ZNF777: variants seen among roughly 807,000 people sequenced by gnomAD.
ZNF777 encodes zinc finger protein 777.
ZNF777 carries 7 observed loss-of-function variants against 72.1 expected under a neutral mutation model. The ratio of observed to expected loss-of-function variants is 0.10; its 90% confidence interval spans 0.06 to 0.18. The LOEUF is 0.18. ZNF777 is among the 10% of genes least tolerant of loss of function. The pLI, the probability that ZNF777 is intolerant of heterozygous loss-of-function variation, is 1.00. For missense variants in ZNF777, 828 were observed against 1,128.6 expected (o/e 0.73, Z 3.82); for synonymous variants, 545 against 483.5 (o/e 1.13, Z -1.67).
In ZNF777 at chr7:149,436,366, A is replaced by G. The variant is rs995134990; in HGVS notation, c.1339+209T>C. Among the ~76,000 whole-genome samples, 3 of 152,076 alleles carry G rather than the reference A, an allele frequency of 2.0e-5. No individual in the cohort carries two copies. Among genetic ancestry groups the G allele is most frequent in the Non-Finnish European group, 4.4e-5 (3 of 68,000 alleles). ...TTGCCTGAACCAGTCTTTAGATGTA[A>G]CCACTTCTTTCCTAGGTTGGAGACG... On this transcript the variant is annotated intron_variant, in intron 5 of 5. Coordinates refer to ENST00000247930, the MANE Select transcript of ZNF777 (RefSeq NM_015694.3). This position sits in a 1 kb window ranked among gnomAD's most constrained non-coding sequence, Gnocchi z 5.0.
intron 4 of ZNF777, among the ~76,000 whole-genome samples, chr7:149,439,906 G>A (rs1305032738): frequency 1.3e-5 from 2 of 152,106 alleles, no homozygotes; most frequent in African/African-American, 4.8e-5. Flanking sequence ...TTTCTAATTA[G>A]TTTACTTATC....
At chr7:149,450,311 A>T (rs1399797752) in intron 4 of ZNF777, among the ~76,000 whole-genome samples, 1 of 152,198 alleles carries the variant, frequency 6.6e-6, no homozygotes, top group African/African-American at 2.4e-5. Flanking sequence ...GCACACCAAC[A>T]GCGGCTGGTG....
chr7:149,452,473 A>G (rs1269248645), intron 3 of ZNF777, among the ~76,000 whole-genome samples: 1 of 151,250 alleles, frequency 6.6e-6, no homozygotes, highest in Non-Finnish European at 1.5e-5. Flanking sequence ...TACTAAAAAT[A>G]CAAAAAAAAA....
intron 4 of ZNF777, among the ~76,000 whole-genome samples, chr7:149,449,078 A>C (rs963377104): frequency 6.6e-6 from 1 of 152,190 alleles, no homozygotes; most frequent in African/African-American, 2.4e-5. Context: ...GCTTGGATGG[A>C]CAGGTTACCA....
At chr7:149,457,676 G>T (rs78365157) in intron 1 of ZNF777, among the ~76,000 whole-genome samples, 1 of 152,136 alleles carries the variant, frequency 6.6e-6, no homozygotes, top group East Asian at 1.9e-4. Flanking sequence ...TTCACAAAAG[G>T]TTTTTGAGAT....
rs140134849 is a variant in ZNF777, at chr7:149,456,168, G to C, written c.-15-131C>G. ...GCAATAATATGTGCCCCTCATATGT[G>C]AATCTCTTCTAGAGACCACAGCACC... On this transcript the variant is annotated intron_variant, in intron 1 of 5. Transcript: ENST00000247930. The C allele has an allele frequency of 3.8e-4, 366 of 952,202 alleles. 6 individuals are homozygous for C. In the East Asian group the frequency reaches 9.4e-3, roughly 24 times the overall value. 59.0% of individuals were successfully genotyped at this position (952,202 alleles called of 1,614,324 possible).
chr7:149,457,682 G>C (rs1275781444), intron 1 of ZNF777, among the ~76,000 whole-genome samples: 2 of 152,168 alleles, frequency 1.3e-5, no homozygotes, highest in African/African-American at 4.8e-5. Flanking sequence ...AAAGGTTTTT[G>C]AGATAGTATC....
In ZNF777 at chr7:149,455,129, T is replaced by A. The variant is rs751034751; in HGVS notation, c.846+48A>T. 24 of 1,567,688 alleles carry A rather than the reference T, an allele frequency of 1.5e-5. No homozygotes were observed. The highest frequency in any genetic ancestry group is 1.8e-5 in the Non-Finnish European group (21 of 1,160,598). ...ATTACACTACATTCCTAAACCACACTCCAATTCAGATCACTTCCTTGGGAA... is the reference window on the plus strand; with the variant it reads ...ATTACACTACATTCCTAAACCACACACCAATTCAGATCACTTCCTTGGGAA... On this transcript the variant is annotated intron_variant, in intron 2 of 5. Coordinates refer to ENST00000247930, the MANE Select transcript of ZNF777 (RefSeq NM_015694.3). This position sits in a 1 kb window ranked among gnomAD's most constrained non-coding sequence, Gnocchi z 4.2.
chr7:149,454,296 T>C (rs2116604755), intron 2 of ZNF777, 59 bp from the exon 3 acceptor site: 1 of 1,605,636 alleles, frequency 6.2e-7, no homozygotes, highest in Non-Finnish European at 8.5e-7. Flanking sequence ...GGCCCACGGC[T>C]GGCCAATCCC....
At position 149,436,559 on chromosome 7, in the gene ZNF777, C is replaced by G; in HGVS notation, c.1339+16G>C. ...TCATGGCAACCCTTCCCCGGCCGTC[C>G]CCGCCCAGCACTCACCCGTGCAGTT... is the stretch of plus-strand genomic sequence containing the variant. On this transcript the variant is annotated intron_variant, in intron 5 of 5. Coordinates refer to ENST00000247930, the MANE Select transcript of ZNF777 (RefSeq NM_015694.3). This position sits in a 1 kb window ranked among gnomAD's most constrained non-coding sequence, Gnocchi z 5.0. 1 of 1,578,104 alleles carries G rather than the reference C, an allele frequency of 6.3e-7. No individual in the cohort carries two copies. The highest frequency in any genetic ancestry group is 8.6e-7 in the Non-Finnish European group (1 of 1,158,648).
At position 149,455,469 on chromosome 7, in the gene ZNF777, C is replaced by A; in HGVS notation, c.554G>T (p.Arg185Leu). The A allele has an allele frequency of 6.2e-7, 1 of 1,614,132 alleles. No homozygotes were observed. The highest frequency in any genetic ancestry group is 1.3e-5 in the African/African-American group (1 of 75,052). ...TTGGACGGCAGCCCACACAGCCAAG[C>A]GGGTGATCTCTGCCGTGGGGAGCGG... The part of the protein sequence containing the change: ...EQPLPTAEIT[R>L]LAVWAAVQAV... The change falls in exon 2 of 6, where the codon CGC (arginine) becomes CTC (leucine). Residue 185 changes from arginine (R) to leucine (L), a missense_variant. Around this residue, in one of 12 missense-constraint regions of ZNF777, gnomAD observed 76 missense variants for 157.3 expected, o/e 0.48. Coordinates refer to ENST00000247930, the MANE Select transcript of ZNF777 (RefSeq NM_015694.3). This position sits in a 1 kb window ranked among gnomAD's most constrained non-coding sequence, Gnocchi z 4.2.
Position 149,431,760 on chromosome 7 carries a change from G to T in ZNF777, c.*16C>A. 2 of 1,479,032 alleles carry T rather than the reference G, an allele frequency of 1.4e-6. No individual in the cohort carries two copies. The highest frequency in any genetic ancestry group is 1.8e-6 in the Non-Finnish European group (2 of 1,127,328). 91.6% of individuals were successfully genotyped at this position (1,479,032 alleles called of 1,614,324 possible). A position where few individuals can be genotyped will look rare whatever the true frequency, so the allele number is the denominator to read the frequency against. ...GGCCCGCGCACCTGGCCGGGCGGCG[G>T]CGGCGGGGCGCGCGCTCACTCGCCC... On this transcript the variant is annotated 3_prime_UTR_variant, in exon 6 of 6. Transcript: ENST00000247930.
chr7:149,442,618 T>TCC, intron 4 of ZNF777, among the ~76,000 whole-genome samples: 1 of 125,972 alleles, frequency 7.9e-6, no homozygotes, highest in South Asian at 2.5e-4. Context: ...AGACTCTGTC[T>TCC]AAAAAAAAAA....
chr7:149,432,723 C>T lies in ZNF777; in HGVS notation c.1549G>A (p.Ala517Thr). The change falls in exon 6 of 6, where the codon GCG becomes ACG. Residue 517 changes from alanine to threonine, a missense_variant. By Grantham distance (58) the Ala-to-Thr change is moderately conservative. Coordinates refer to ENST00000247930, the MANE Select transcript of ZNF777 (RefSeq NM_015694.3). The stretch of plus-strand genomic sequence containing the variant: ...TGCCGCTCACCGTGCACGGAGGGCG[C>T]CAGCCTTTTCACTGCGGGGTTTCCT... ...QLGNPAVKRL[A>T]PSVHGERHLS... is the part of the protein sequence containing the mutation. 3 of 1,612,370 alleles carry T rather than the reference C, an allele frequency of 1.9e-6. No individual in the cohort carries two copies. Among genetic ancestry groups the T allele is most frequent in the Non-Finnish European group, 2.5e-6 (3 of 1,178,966 alleles).
Position 149,456,036 on chromosome 7 carries a change from A to G in ZNF777, c.-14T>C, listed in dbSNP as rs759515516. 4.4e-5 allele frequency: 68 copies of G among 1,547,124 alleles called. No individual in the cohort carries two copies. Among genetic ancestry groups the G allele is most frequent in the Non-Finnish European group, 5.8e-5 (66 of 1,146,636 alleles). ...TTGGTTCTCCATGTCCAGCTGCTGA[A>G]CCTGTGTTCATGGAAGAAAGGAAAA... is the stretch of plus-strand genomic sequence containing the variant. On this transcript the variant is annotated splice_region_variant and 5_prime_UTR_variant, in exon 2 of 6. Coordinates refer to ENST00000247930, the MANE Select transcript of ZNF777 (RefSeq NM_015694.3).
intron 4 of ZNF777, among the ~76,000 whole-genome samples, chr7:149,444,195 A>T (rs764434233): frequency 3.6e-4 from 55 of 152,132 alleles, no homozygotes; most frequent in Non-Finnish European, 7.1e-4. Context: ...TTATAACTAA[A>T]CTCTGTAGTA....
intron 4 of ZNF777, among the ~76,000 whole-genome samples, chr7:149,441,326 A>G (rs1799510904): frequency 6.7e-6 from 1 of 149,632 alleles, no homozygotes; most frequent in Admixed American, 6.6e-5. Flanking sequence ...TTAGAAAGGG[A>G]AAAAAGCTAC....
At position 149,432,681 on chromosome 7, in the gene ZNF777, C is replaced by A. The variant is rs758942532; in HGVS notation, c.1591G>T (p.Gly531Trp). 2 of 1,612,904 alleles carry A rather than the reference C, an allele frequency of 1.2e-6. No homozygotes were observed. Among genetic ancestry groups the A allele is most frequent in the South Asian group, 2.2e-5 (2 of 91,012 alleles). Residue 531 changes from glycine to tryptophan, a missense_variant, in exon 6 of 6, where the codon GGG becomes TGG. Gly to Trp is a radical substitution (Grantham distance 184). Around this residue, in one of 12 missense-constraint regions of ZNF777, gnomAD observed 219 missense variants for 223.0 expected, o/e 0.98. Coordinates refer to ENST00000247930, the MANE Select transcript of ZNF777 (RefSeq NM_015694.3). ...HGERHLSENR[G>W]ASSQQQRNRR... ...TTCCGCTGCTGCTGGCTCGAGGCCCCGCGGTTCTCGCTCAGGTGCCGCTCA... is the reference window on the plus strand; with the variant it reads ...TTCCGCTGCTGCTGGCTCGAGGCCCAGCGGTTCTCGCTCAGGTGCCGCTCA...
Position 149,436,865 on chromosome 7 carries a change from C to G in ZNF777, c.1088-39G>C. On this transcript the variant is annotated intron_variant, in intron 4 of 5. Transcript: ENST00000247930. This position sits in a 1 kb window ranked among gnomAD's most constrained non-coding sequence, Gnocchi z 5.0. ...GGCAGGGGTGAGGAGGAGAAAAGAA[C>G]CCAGAATGTTCATGCCAACTGCCCA... The G allele has an allele frequency of 6.3e-7, 1 of 1,586,020 alleles. No individual in the cohort carries two copies. Among genetic ancestry groups the G allele is most frequent in the Non-Finnish European group, 8.6e-7 (1 of 1,159,712 alleles).
Sources: allele counts gnomAD v4.1 joint callset (sites outside exome capture counted in the v4.1 genomes callset), GRCh38; gene constraint gnomAD v4.1.1; regional missense constraint gnomAD v4.1.1; non-coding constraint Gnocchi (gnomAD v3.1); transcripts MANE v1.5; gene names NCBI Gene and HGNC (gene_info 2026-07-23, HGNC 2026-07-21).